CES5A: variants seen among roughly 807,000 people sequenced by gnomAD.
CES5A encodes the protein carboxylesterase 5A, also known as carboxylesterase 5.
Under a neutral mutation model 62.9 loss-of-function variants are expected in CES5A, and 67 were observed. That is an observed-to-expected ratio of 1.07 (90% CI 0.88 to 1.31). The LOEUF (loss-of-function observed/expected upper bound fraction) is 1.31. Among genes scored for constraint, CES5A ranks in the 50% most tolerant of loss-of-function variants. The pLI is 0.00. For missense variants in CES5A, 748 were observed against 708.5 expected, an observed-to-expected ratio of 1.06 and a Z score of -0.63; for synonymous variants, 296 against 280.8, an observed-to-expected ratio of 1.05 and a Z score of -0.54.
chr16:55,885,658 C>T (rs2033808302), intron 1 of CES5A, among the ~76,000 whole-genome samples: 1 of 152,174 alleles, frequency 6.6e-6, no homozygotes, highest in Admixed American at 6.5e-5. Flanking sequence ...GCCCTTGTAT[C>T]CCTGCTACAC....
chr16:55,869,624 A>G lies in CES5A; in HGVS notation c.538T>C (p.Phe180Leu). ...VVVVQYRLGI[F>L]GFFTTWDQHA... ...GGAGAGACTCACGTGAAGAAACCAA[A>G]TATTCCTAGCCGGTACTGGACGACC... is the stretch of plus-strand genomic sequence containing the variant. The change falls in exon 4 of 13, where the codon TTT becomes CTT. Residue 180 changes from phenylalanine (F) to leucine (L), a missense_variant. Transcript: ENST00000290567. The G allele has an allele frequency of 4.3e-6, 7 of 1,613,922 alleles. No individual in the cohort carries two copies. Among genetic ancestry groups the G allele is most frequent in the Non-Finnish European group, 5.1e-6 (6 of 1,179,930 alleles).
chr16:55,873,464 G>C (rs1166361325), intron 2 of CES5A, among the ~76,000 whole-genome samples: 6 of 152,144 alleles, frequency 3.9e-5, no homozygotes, highest in Non-Finnish European at 7.3e-5. Context: ...AAGATACCTA[G>C]ACAGTCCCTT....
chr16:55,848,965 A>G (rs532538944), intron 11 of CES5A, among the ~76,000 whole-genome samples: 22 of 152,336 alleles, frequency 1.4e-4, no homozygotes, highest in Non-Finnish European at 2.9e-4. Flanking sequence ...TACACTCTAT[A>G]TGGAACGTTC....
intron 2 of CES5A, among the ~76,000 whole-genome samples, chr16:55,943,030 C>G (rs1355127425): frequency 5.3e-5 from 8 of 152,082 alleles, no homozygotes; most frequent in Non-Finnish European, 1.2e-4. Context: ...ACAAATGAGC[C>G]CAAGAGAACT....
intron 10 of CES5A, among the ~76,000 whole-genome samples, 160 bp downstream of exon 10, chr16:55,852,721 G>A (rs1365884898): frequency 1.3e-5 from 2 of 152,194 alleles, no homozygotes; most frequent in South Asian, 2.1e-4. Flanking sequence ...GGTGAATGAC[G>A]CAGGTCCCCA....
intron 2 of CES5A, among the ~76,000 whole-genome samples, chr16:55,935,036 G>A (rs897757984): frequency 6.6e-6 from 1 of 152,178 alleles, no homozygotes; most frequent in Admixed American, 6.5e-5. Context: ...TCCACCTCCT[G>A]AGTTCAAGCC....
intron 2 of CES5A, among the ~76,000 whole-genome samples, chr16:55,932,541 T>C (rs1361695000): frequency 8.5e-6 from 1 of 117,860 alleles, no homozygotes; most frequent in East Asian, 2.9e-4. Context: ...ATAAATAGTG[T>C]GTGATGACAG....
chr16:55,851,621 C>T lies in CES5A; in HGVS notation c.1273+1260G>A, dbSNP rs561977195. ...TTCAAAGAAATTAAACATAGCATTA[C>T]AGATGATCCAGAAATTCTACCTCTG... On this transcript the variant is annotated intron_variant, in intron 10 of 12. Coordinates refer to ENST00000290567, the MANE Select transcript of CES5A (RefSeq NM_001143685.2). Among the ~76,000 whole-genome samples the T allele has an allele frequency of 2.8e-4, 43 of 152,282 alleles. No individual in the cohort carries two copies. In the South Asian group the frequency reaches 6.2e-3, roughly 22 times the overall value.
chr16:55,929,389 G>C (rs1403145297), upstream of CES5A, among the ~76,000 whole-genome samples: 1 of 152,198 alleles, frequency 6.6e-6, no homozygotes, highest in Non-Finnish European at 1.5e-5. Context: ...AGAAGAGGGG[G>C]CGAGCAGCAT....
chr16:55,860,885 T>C (rs2033338120), intron 7 of CES5A, among the ~76,000 whole-genome samples: 1 of 152,196 alleles, frequency 6.6e-6, no homozygotes, highest in Admixed American at 6.5e-5. Context: ...CTCTCAAGAT[T>C]GGAAGGGACA....
At chr16:55,883,478 T>C (rs556264391) in intron 1 of CES5A, among the ~76,000 whole-genome samples, 187 of 152,298 alleles carry the variant, frequency 1.2e-3, no homozygotes, top group Non-Finnish European at 2.3e-3. Flanking sequence ...TTTCACCATG[T>C]TGGCCAGGAT....
intron 11 of CES5A, among the ~76,000 whole-genome samples, chr16:55,847,752 C>T (rs76457281): frequency 0.031 from 4,669 of 152,206 alleles, 240 homozygotes; most frequent in African/African-American, 0.1. Flanking sequence ...TATATGCAAT[C>T]ATATATAAAT....
chr16:55,947,087 C>T (rs1289933443), intron 2 of CES5A, among the ~76,000 whole-genome samples: 5 of 152,188 alleles, frequency 3.3e-5, no homozygotes, highest in Non-Finnish European at 7.4e-5. Flanking sequence ...TACTTGGGGC[C>T]ACTCCCTGCA....
chr16:55,867,297 G>C (rs531608754), intron 4 of CES5A, among the ~76,000 whole-genome samples: 2 of 152,316 alleles, frequency 1.3e-5, no homozygotes, highest in Admixed American at 1.3e-4. Flanking sequence ...GAGCTAGAAA[G>C]CTGCAGTTTT....
rs1224679474 is a variant in CES5A at position 55,945,086 on chromosome 16, G to T, written c.160+4699C>A. ...TAATAGGCTTGTTTTATTGTTAAAT[G>T]AACTCATACTGGCCAGTTCTTTGGC... is the stretch of plus-strand genomic sequence containing the variant. On this transcript the variant is annotated intron_variant, in intron 2 of 13. Transcript: ENST00000521992. Among the ~76,000 whole-genome samples, 3 of 152,128 alleles carry T rather than the reference G, an allele frequency of 2.0e-5. No homozygotes were observed. In the East Asian group the frequency reaches 5.8e-4, roughly 29 times the overall value.
At chr16:55,907,219 C>T (rs1298488849) in intron 1 of CES5A, among the ~76,000 whole-genome samples, 4 of 152,198 alleles carry the variant, frequency 2.6e-5, no homozygotes, top group African/African-American at 9.6e-5. Flanking sequence ...AAGGGACTCT[C>T]TGTTTCTGAA....
intron 1 of CES5A, among the ~76,000 whole-genome samples, chr16:55,955,030 A>G (rs1302360662): frequency 1.3e-5 from 2 of 152,138 alleles, no homozygotes; most frequent in African/African-American, 4.8e-5. Context: ...TTCCAACTCT[A>G]AAGCTCTGAT....
At position 55,871,663 on chromosome 16, in the gene CES5A, A is replaced by G; in HGVS notation, c.379T>C (p.Tyr127His). Residue 127 changes from tyrosine to histidine, a missense_variant, in exon 3 of 13, where the codon TAT (tyrosine) becomes CAT (histidine). Transcript: ENST00000290567. ...CCTGTATCGGCGTGGGCAGGCGCAT[A>G]GATGTTCAGGTAGAGGCAGTCTTCT... ...VSEDCLYLNI[Y>H]APAHADTGSK... 1.2e-6 allele frequency: 2 copies of G among 1,614,160 alleles called. No homozygotes were observed. The highest frequency in any genetic ancestry group is 2.2e-5 in the South Asian group (2 of 91,078).
At chr16:55,930,938 A>ACAT (rs1297768313) in intron 2 of CES5A, among the ~76,000 whole-genome samples, 1 of 152,222 alleles carries the variant, frequency 6.6e-6, no homozygotes, top group African/African-American at 2.4e-5. Flanking sequence ...AAAAAAAATT[A>ACAT]CATCCTACTT....
Sources: allele counts gnomAD v4.1 joint callset (sites outside exome capture counted in the v4.1 genomes callset), GRCh38; gene constraint gnomAD v4.1.1; transcripts MANE v1.5; gene names NCBI Gene and HGNC (gene_info 2026-07-23, HGNC 2026-07-21).